The following TG variants were observed in gnomAD, a reference collection of about 807,000 sequenced individuals.
The protein encoded by TG is thyroglobulin.
A neutral mutation model predicts 324.7 loss-of-function variants in TG; 270 were observed. That is an observed-to-expected ratio of 0.83 (90% confidence interval 0.75 to 0.92). TG has a LOEUF of 0.92. Among genes scored for constraint, TG ranks in the 40% least tolerant of loss-of-function variants. The probability of loss-of-function intolerance (pLI) is 0.00; values close to 1 mark genes in which losing one functional copy is unlikely to be tolerated. For missense variants in TG, 3,591 were observed against 3,456.4 expected, an observed-to-expected ratio of 1.04 and a Z score of -0.98; for synonymous variants, 1,401 against 1,327.0, an observed-to-expected ratio of 1.06 and a Z score of -1.21.
intron 5 of TG, among the ~76,000 whole-genome samples, chr8:132,879,609 G>C (rs761530629): frequency 1.3e-5 from 2 of 152,244 alleles, no homozygotes; most frequent in African/African-American, 2.4e-5. Flanking sequence ...TGGCAGCACA[G>C]GGTGTCTGTC....
At chr8:132,923,550 G>T in intron 22 of TG, 42 bp downstream of exon 22, 1 of 1,598,382 alleles carries the variant, frequency 6.3e-7, no homozygotes, top group South Asian at 1.1e-5. Context: ...CCTGGGGACT[G>T]GGGAGTAGTC....
intron 44 of TG, 100 bp from the exon 45 acceptor site, chr8:133,116,509 G>A: frequency 2.0e-6 from 2 of 988,644 alleles, no homozygotes; most frequent in Non-Finnish European, 3.2e-6. Flanking sequence ...GGGGTGGGTT[G>A]GGGGCCCAGG....
chr8:133,132,318 G>A lies in TG; in HGVS notation c.7997+372G>A, dbSNP rs1021387537. 3.3e-5 allele frequency among the ~76,000 whole-genome samples: 5 copies of A among 152,100 alleles called. No homozygotes were observed. In the South Asian group the frequency reaches 6.2e-4, roughly 19 times the overall value. On this transcript the variant is annotated intron_variant, in intron 46 of 47. Coordinates refer to ENST00000220616, the MANE Select transcript of TG (RefSeq NM_003235.5). ...ACCAGATGCCAGTGGTGCCCACCTC[G>A]GCCCAGTTTTGAGAACCAAGCATGT...
chr8:132,893,995 T>A, intron 11 of TG, 66 bp downstream of exon 11: 1 of 1,612,340 alleles, frequency 6.2e-7, no homozygotes. Flanking sequence ...TAAATTCGTC[T>A]CTCCTCAGTC....
intron 43 of TG, among the ~76,000 whole-genome samples, chr8:133,104,146 C>G (rs1204643685): frequency 6.6e-6 from 1 of 152,026 alleles, no homozygotes; most frequent in Non-Finnish European, 1.5e-5. Flanking sequence ...TTGGGGGTCA[C>G]AGGGAGGTCA....
intron 45 of TG, among the ~76,000 whole-genome samples, chr8:133,124,769 C>T (rs572213988): frequency 2.2e-4 from 34 of 152,236 alleles, no homozygotes; most frequent in African/African-American, 7.9e-4. Context: ...TTGTCCCAAC[C>T]CTGGAAAACA....
chr8:132,888,502 TG>T lies in TG; in HGVS notation c.2697del (p.Trp899CysfsTer67). Reference sequence around the variant, plus strand: ...GGCACATTTTGATCTTCGGAACTGCTGGTGTGTGGATGAGGCTGGCCAAGAA... The same window carrying T: ...GGCACATTTTGATCTTCGGAACTGCTGTGTGTGGATGAGGCTGGCCAAGAA... ...PLAHFDLRNC[W>X]CVDEAGQELE... On this transcript the variant is annotated frameshift_variant, in exon 10 of 48. Coordinates refer to ENST00000220616, the MANE Select transcript of TG (RefSeq NM_003235.5). LOFTEE classifies it high-confidence loss of function. 1 of 1,610,600 alleles carries T rather than the reference TG, an allele frequency of 6.2e-7. No individual in the cohort carries two copies.
chr8:133,093,138 T>C (rs1847836478), intron 41 of TG, among the ~76,000 whole-genome samples: 1 of 70,386 alleles, frequency 1.4e-5, no homozygotes, highest in Admixed American at 1.1e-4. Context: ...TCTTTTCTTT[T>C]CTTTTTTTTT....
chr8:132,983,795 C>T (rs936772652), intron 35 of TG: 3 of 355,590 alleles, frequency 8.4e-6, no homozygotes, highest in East Asian at 7.4e-5. Flanking sequence ...GAAGTCAGCT[C>T]CTTATTAGTG....
In TG at chr8:132,913,201, TG is replaced by T. The variant is rs1195103622; in HGVS notation, c.4317del (p.Cys1440AlafsTer9). 1.9e-6 allele frequency: 3 copies of T among 1,614,022 alleles called. No individual in the cohort carries two copies. The highest frequency in any genetic ancestry group is 2.5e-6 in the Non-Finnish European group (3 of 1,180,012). ...TTGGCACCTCTCCCAGGACATGGTTTGGGTGCTCGGAAGGATTCTACCAAGT... is the reference window on the plus strand; with the variant it reads ...TTGGCACCTCTCCCAGGACATGGTTTGGTGCTCGGAAGGATTCTACCAAGT... Reference protein sequence around the residue: ...HFGTSPRTWFGCSEGFYQVLT... With the variant: ...HFGTSPRTWFXCSEGFYQVLT... On this transcript the variant is annotated frameshift_variant, in exon 20 of 48. Transcript: ENST00000220616. LOFTEE classifies it high-confidence loss of function.
intron 1 of TG, among the ~76,000 whole-genome samples, 184 bp downstream of exon 1, chr8:132,867,251 G>A (rs1839018722): frequency 1.3e-5 from 2 of 152,088 alleles, no homozygotes; most frequent in African/African-American, 4.8e-5. Flanking sequence ...ATTACTTGAG[G>A]TCACAGAGCT....
chr8:132,869,804 G>A lies in TG; in HGVS notation c.252G>A (p.Arg84=), dbSNP rs762157242. The change falls in exon 3 of 48, where the codon AGG becomes AGA. Residue 84 remains arginine (R), a synonymous_variant. Transcript: ENST00000220616. ...GANGSEVLGS[R]QPGRPVACLS... is the part of the protein sequence containing the mutation. ...ACGGCAGTGAAGTGCTGGGCAGCAG[G>A]CAGCCAGGACGGCCTGTGGCTTGTA... 2.4e-5 allele frequency: 39 copies of A among 1,613,974 alleles called. 1 individual carries two copies. Among genetic ancestry groups the A allele is most frequent in the Non-Finnish European group, 1.5e-5 (18 of 1,180,034 alleles).
At chr8:133,014,280 C>T (rs1191109537) in intron 37 of TG, among the ~76,000 whole-genome samples, 3 of 152,236 alleles carry the variant, frequency 2.0e-5, no homozygotes, top group Non-Finnish European at 4.4e-5. Context: ...CATCTAAACA[C>T]TTCAGAGAGA....
intron 8 of TG, among the ~76,000 whole-genome samples, chr8:132,884,936 C>T (rs192173091): frequency 1.4e-3 from 215 of 152,322 alleles, no homozygotes; most frequent in Non-Finnish European, 2.3e-3. Flanking sequence ...TTTATTTCTG[C>T]CATACCTTCC....
chr8:133,120,518 C>T (rs1257240076), intron 45 of TG, among the ~76,000 whole-genome samples: 1 of 152,194 alleles, frequency 6.6e-6, no homozygotes, highest in African/African-American at 2.4e-5. Context: ...CCTGTAGGTG[C>T]TAGGGAAGGA....
rs527968649 is a variant in TG at position 133,113,875 on chromosome 8, C to G, written c.7754+272C>G. On this transcript the variant is annotated intron_variant, in intron 44 of 47. Coordinates refer to ENST00000220616, the MANE Select transcript of TG (RefSeq NM_003235.5). ...TCTTCCTGGGCCATGAGGGAGCTGT[C>G]GGAGGGCAGAGACGAAGCACTTGCC... Among the ~76,000 whole-genome samples, 4 of 152,254 alleles carry G rather than the reference C, an allele frequency of 2.6e-5. No homozygotes were observed. The East Asian group carries it at 7.7e-4, about 29-fold the overall frequency.
At chr8:132,882,717 G>C (rs1199010749) in intron 7 of TG, 97 bp from the exon 8 acceptor site, 1 of 1,611,842 alleles carries the variant, frequency 6.2e-7, no homozygotes, top group Non-Finnish European at 8.5e-7. Context: ...AGTGAGGGCA[G>C]AGATGAAAAG....
At chr8:132,982,784 G>A (rs765894911) in intron 34 of TG, among the ~76,000 whole-genome samples, 1 of 152,204 alleles carries the variant, frequency 6.6e-6, no homozygotes, top group Non-Finnish European at 1.5e-5. Flanking sequence ...GGCCCAGAAA[G>A]CATAAGTGCC....
chr8:133,102,916 G>A (rs1450871059), intron 43 of TG: 3 of 300,090 alleles, frequency 1.0e-5, no homozygotes, highest in Non-Finnish European at 2.0e-5. Flanking sequence ...TAGCAGTAGG[G>A]GGAGGGCAGC....
Sources: gnomAD v4.1 joint callset for allele counts (sites outside exome capture counted in the v4.1 genomes callset) on GRCh38, gnomAD v4.1.1 for gene constraint, MANE v1.5 for transcripts, NCBI Gene and HGNC (gene_info 2026-07-23, HGNC 2026-07-21) for gene names.